The following RFTN1 variants were observed in gnomAD, a reference collection of about 807,000 sequenced individuals.
RFTN1 encodes raftlin.
Under a neutral mutation model 46.5 loss-of-function variants are expected in RFTN1, and 26 were observed. The observed-to-expected ratio is 0.56, with a 90% confidence interval of 0.41 to 0.78. The LOEUF is 0.78. Ranked by LOEUF, RFTN1 falls within the 30% of genes least tolerant of loss-of-function variation. The pLI, the probability that RFTN1 is intolerant of heterozygous loss-of-function variation, is 0.00. For missense variants in RFTN1, 693 were observed against 718.7 expected (o/e 0.96, Z 0.41); for synonymous variants, 261 against 284.2 (o/e 0.92, Z 0.82).
At position 16,446,603 on chromosome 3, in the gene RFTN1, A is replaced by T. The variant is rs777429826; in HGVS notation, c.146-12566T>A. On this transcript the variant is annotated intron_variant, in intron 2 of 9. Coordinates refer to ENST00000334133, the MANE Select transcript of RFTN1 (RefSeq NM_015150.2). The surrounding 1 kb of genome is among the most constrained non-coding windows in gnomAD (Gnocchi z 4.5). ...GGGAAAATCAAAGGTTGATATGACA[A>T]CAAAAGCAAAGGAAGAATGTAAAAA... Among the ~76,000 whole-genome samples the T allele has an allele frequency of 7.9e-5, 12 of 152,344 alleles. No homozygotes were observed. The highest frequency in any genetic ancestry group is 3.3e-4 in the Admixed American group (5 of 15,306).
chr3:16,415,728 G>A (rs2075066339), intron 3 of RFTN1, among the ~76,000 whole-genome samples: 1 of 151,756 alleles, frequency 6.6e-6, no homozygotes, highest in Non-Finnish European at 1.5e-5. Context: ...TTGTTTTCCT[G>A]GAAGCAAGGA....
chr3:16,388,341 G>A (rs1346685391), intron 4 of RFTN1, among the ~76,000 whole-genome samples: 2 of 152,188 alleles, frequency 1.3e-5, no homozygotes, highest in African/African-American at 4.8e-5. Flanking sequence ...TACACAGTAA[G>A]TATTCCTTGG....
Position 16,341,788 on chromosome 3 carries a change from A to G in RFTN1, c.1147-14912T>C, listed in dbSNP as rs1226070336. 6.6e-6 allele frequency among the ~76,000 whole-genome samples: 1 copy of G among 152,244 alleles called. No individual in the cohort carries two copies. The highest frequency in any genetic ancestry group is 1.5e-5 in the Non-Finnish European group (1 of 68,038). On this transcript the variant is annotated intron_variant, in intron 7 of 9. Coordinates refer to ENST00000334133, the MANE Select transcript of RFTN1 (RefSeq NM_015150.2). This position sits in a 1 kb window ranked among gnomAD's most constrained non-coding sequence, Gnocchi z 4.7. ...TATGGCCATTACAAATAATGAAGTA[A>G]AAGCCTAATAACAGAAACATTTTCA...
intron 2 of RFTN1, among the ~76,000 whole-genome samples, chr3:16,439,150 A>G (rs1287781323): frequency 6.6e-6 from 1 of 152,226 alleles, no homozygotes; most frequent in African/African-American, 2.4e-5. Context: ...AGCAATAAAA[A>G]AAGGCTCCTA....
chr3:16,455,210 G>C (rs559158898), intron 2 of RFTN1, among the ~76,000 whole-genome samples: 1 of 152,346 alleles, frequency 6.6e-6, no homozygotes, highest in South Asian at 2.1e-4. Context: ...TAGGTGGCGT[G>C]TGTTTGTGAG....
Position 16,378,075 on chromosome 3 carries a change from T to A in RFTN1, c.469A>T (p.Lys157Ter), listed in dbSNP as rs763428750. The A allele has an allele frequency of 4.3e-6, 7 of 1,611,302 alleles. No individual in the cohort carries two copies. Residue 157 changes from lysine (K) to a stop codon, truncating the protein, a stop_gained, in exon 5 of 10, where the codon AAA becomes TAA. Transcript: ENST00000334133. LOFTEE classifies it high-confidence loss of function. ...TACTGAGGTATAACACCAACGAATTTCAGGCCCTGGCTTGCAGCCTCCTGG... is the reference window on the plus strand; with the variant it reads ...TACTGAGGTATAACACCAACGAATTACAGGCCCTGGCTTGCAGCCTCCTGG... Reference protein sequence around the residue: ...KIQEAASQGLKFVGVIPQYHS... With the variant: ...KIQEAASQGL
At chr3:16,441,352 C>T (rs1460399913) in intron 2 of RFTN1, among the ~76,000 whole-genome samples, 1 of 91,180 alleles carries the variant, frequency 1.1e-5, no homozygotes, top group African/African-American at 4.2e-5. Flanking sequence ...AGAGAAAAAA[C>T]ATAATCCACA....
At position 16,336,163 on chromosome 3, in the gene RFTN1, ACGG is replaced by A. The variant is rs2070828058; in HGVS notation, c.1147-9290_1147-9288del. Among the ~76,000 whole-genome samples the A allele has an allele frequency of 6.6e-6, 1 of 152,248 alleles. No homozygotes were observed. The highest frequency in any genetic ancestry group is 1.9e-4 in the East Asian group (1 of 5,200). ...GCAAGTGGAAGGCAGATGCTGGAAC[ACGG>A]CGGGCAGTGTTGCAGAAAACTCCAC... On this transcript the variant is annotated intron_variant, in intron 7 of 9. Coordinates refer to ENST00000334133, the MANE Select transcript of RFTN1 (RefSeq NM_015150.2). The surrounding 1 kb of genome is among the most constrained non-coding windows in gnomAD (Gnocchi z 6.0).
chr3:16,323,524 G>T, intron 8 of RFTN1, 67 bp from the exon 9 acceptor site: 2 of 1,130,382 alleles, frequency 1.8e-6, no homozygotes, highest in Middle Eastern at 2.0e-4. Context: ...TGACACAGAT[G>T]TTGCCATCCC....
intron 3 of RFTN1, among the ~76,000 whole-genome samples, chr3:16,432,777 G>C (rs961375109): frequency 5.3e-5 from 8 of 152,152 alleles, no homozygotes; most frequent in Non-Finnish European, 1.2e-4. Context: ...TTCTGGGTTC[G>C]AGCAAAAACA....
rs552846460 is a variant in RFTN1, at chr3:16,370,012, G to C, written c.1030+64C>G. 1 of 1,457,580 alleles carries C rather than the reference G, an allele frequency of 6.9e-7. No individual in the cohort carries two copies. Among genetic ancestry groups the C allele is most frequent in the African/African-American group, 1.4e-5 (1 of 71,874 alleles). 90.3% of individuals were successfully genotyped at this position (1,457,580 alleles called of 1,614,324 possible). ...GAAGCAGACTCTGAAGAGGGACTAA[G>C]ATTTCAAGAGTTAGAAGCAGAGTTC... On this transcript the variant is annotated intron_variant, in intron 6 of 9. Coordinates refer to ENST00000334133, the MANE Select transcript of RFTN1 (RefSeq NM_015150.2). The surrounding 1 kb of genome is among the most constrained non-coding windows in gnomAD (Gnocchi z 5.5).
rs1358753664 is a variant in RFTN1, at chr3:16,423,292, G to T, written c.332+10559C>A. 2.0e-5 allele frequency among the ~76,000 whole-genome samples: 3 copies of T among 152,130 alleles called. No homozygotes were observed. In the East Asian group the frequency reaches 5.8e-4, roughly 29 times the overall value. On this transcript the variant is annotated intron_variant, in intron 3 of 9. Coordinates refer to ENST00000334133, the MANE Select transcript of RFTN1 (RefSeq NM_015150.2). ...TGGAATCTGTCACAACTGCAGGGAT[G>T]GGGGGTTTGCTGGTAGAATCTTGTG...
chr3:16,343,688 T>C (rs1395037856), intron 7 of RFTN1, among the ~76,000 whole-genome samples: 12 of 152,238 alleles, frequency 7.9e-5, no homozygotes, highest in Non-Finnish European at 1.8e-4. Flanking sequence ...GCTAACCTCA[T>C]ATTATCCAAT....
rs186431625 is a variant in RFTN1 at position 16,379,080 on chromosome 3, C to G, written c.442-978G>C. Among the ~76,000 whole-genome samples, 105 of 152,296 alleles carry G rather than the reference C, an allele frequency of 6.9e-4. 2 individuals carry two copies. The highest frequency in any genetic ancestry group is 1.3e-4 in the Non-Finnish European group (9 of 68,030). ...TTACAAATAAATAAGGCGGTGCAGA[C>G]CTCAGAGCTGTCTAAGTCTTAGTCA... On this transcript the variant is annotated intron_variant, in intron 4 of 9. Coordinates refer to ENST00000334133, the MANE Select transcript of RFTN1 (RefSeq NM_015150.2).
At chr3:16,389,805 C>T (rs533910639) in intron 4 of RFTN1, among the ~76,000 whole-genome samples, 16 of 152,298 alleles carry the variant, frequency 1.1e-4, no homozygotes, top group African/African-American at 3.9e-4. Context: ...AACCCATGTC[C>T]CCTGTACTTC....
chr3:16,331,598 T>C (rs775702044), intron 7 of RFTN1, among the ~76,000 whole-genome samples: 5 of 152,088 alleles, frequency 3.3e-5, no homozygotes, highest in Admixed American at 2.0e-4. Flanking sequence ...CATGTTGCAA[T>C]ACCCCTATTT....
rs192121605 is a variant in RFTN1 at position 16,403,666 on chromosome 3, G to A, written c.441+5709C>T. Among the ~76,000 whole-genome samples the A allele has an allele frequency of 2.5e-3, 41 of 16,246 alleles. 1 individual carries two copies. Among genetic ancestry groups the A allele is most frequent in the African/African-American group, 2.9e-3 (9 of 3,114 alleles). 10.7% of individuals were successfully genotyped at this position (16,246 alleles called of 152,430 possible). ...AATATATATATAATATATATTTTAT[G>A]TATATAATATATAATATATATATAA... On this transcript the variant is annotated intron_variant, in intron 4 of 9. Transcript: ENST00000334133.
chr3:16,332,472 C>G (rs527960851), intron 7 of RFTN1, among the ~76,000 whole-genome samples: 14 of 150,466 alleles, frequency 9.3e-5, no homozygotes, highest in Admixed American at 6.0e-4. Flanking sequence ...TATTTTATCT[C>G]TTTAAATGGT....
chr3:16,355,991 G>A (rs1051059081), intron 7 of RFTN1, among the ~76,000 whole-genome samples: 10 of 152,198 alleles, frequency 6.6e-5, no homozygotes, highest in Admixed American at 6.5e-4. Context: ...TTTGGGTGCA[G>A]CCATGCATCG....
Sources: allele counts gnomAD v4.1 joint callset (sites outside exome capture counted in the v4.1 genomes callset), GRCh38; gene constraint gnomAD v4.1.1; non-coding constraint Gnocchi (gnomAD v3.1); transcripts MANE v1.5; gene names NCBI Gene and HGNC (gene_info 2026-07-23, HGNC 2026-07-21).